Variants in ZBTB20 observed in about 807,000 individuals in gnomAD.
ZBTB20 encodes the protein zinc finger and BTB domain containing 20, also known as zinc finger and BTB domain-containing protein 20.
A neutral mutation model predicts 56.9 loss-of-function variants in ZBTB20; 9 were observed. That is an observed-to-expected ratio of 0.16 (90% CI 0.10 to 0.28). The LOEUF is 0.28. Ranked by LOEUF, ZBTB20 falls within the 10% of genes least tolerant of loss-of-function variation. The probability of loss-of-function intolerance (pLI) is 1.00; values close to 1 mark genes in which losing one functional copy is unlikely to be tolerated. For missense variants in ZBTB20, 655 were observed against 1,003.0 expected, an observed-to-expected ratio of 0.65 and a Z score of 4.69; for synonymous variants, 417 against 420.7, an observed-to-expected ratio of 0.99 and a Z score of 0.11.
At chr3:115,137,728 ATCACATCC>A (rs2084690638) in intron 1 of ZBTB20, among the ~76,000 whole-genome samples, 1 of 152,134 alleles carries the variant, frequency 6.6e-6, no homozygotes, top group Non-Finnish European at 1.5e-5. Context: ...CCTCATATCC[ATCACATCC>A]TCAAGAAAGT....
chr3:115,052,904 ATTCT>A (rs1159450810), intron 2 of ZBTB20, among the ~76,000 whole-genome samples: 6 of 152,222 alleles, frequency 3.9e-5, no homozygotes, highest in Non-Finnish European at 7.3e-5. Flanking sequence ...AATAATTTTC[ATTCT>A]TTAATTGAAT....
chr3:114,725,744 T>C (rs1002175298), intron 5 of ZBTB20, among the ~76,000 whole-genome samples: 6 of 152,320 alleles, frequency 3.9e-5, no homozygotes, highest in Non-Finnish European at 5.9e-5. Flanking sequence ...GTGTAACAAA[T>C]AACAGGAGAA....
chr3:114,860,319 A>G (rs2075466050), intron 4 of ZBTB20, among the ~76,000 whole-genome samples: 2 of 145,216 alleles, frequency 1.4e-5, no homozygotes, highest in South Asian at 4.4e-4. Flanking sequence ...AAAAAAAAAA[A>G]TTCTGAAATT....
intron 1 of ZBTB20, among the ~76,000 whole-genome samples, chr3:115,136,531 A>G (rs764481437): frequency 1.1e-4 from 17 of 152,078 alleles, no homozygotes; most frequent in Admixed American, 5.2e-4. Flanking sequence ...AATTTAAGTT[A>G]TAAGTTAAAC....
rs150235427 is a variant in ZBTB20, at chr3:115,132,776, C to CAA, written c.-703+14441_-703+14442dup. ...TGAGATCCTGTCTCAAAATAAAAGA[C>CAA]AAAAAAAAACCCCCAAAATTTAGAA... On this transcript the variant is annotated intron_variant, in intron 1 of 11. Coordinates refer to ENST00000675478, the MANE Select transcript of ZBTB20 (RefSeq NM_001348800.3). Among the ~76,000 whole-genome samples, 941 of 150,598 alleles carry CAA rather than the reference C, an allele frequency of 6.2e-3. 5 individuals carry two copies. Among genetic ancestry groups the CAA allele is most frequent in the Non-Finnish European group, 0.011 (737 of 67,468 alleles).
intron 6 of ZBTB20, among the ~76,000 whole-genome samples, chr3:114,585,272 C>T (rs2055062870): frequency 6.6e-6 from 1 of 152,098 alleles, no homozygotes; most frequent in African/African-American, 2.4e-5. Context: ...ATGGAGATAA[C>T]AGTGCTCTTG....
intron 6 of ZBTB20, among the ~76,000 whole-genome samples, chr3:114,653,064 A>G (rs1341036502): frequency 6.6e-6 from 1 of 151,942 alleles, no homozygotes; most frequent in Non-Finnish European, 1.5e-5. Context: ...AATGTAAACA[A>G]TCATGGTATT....
intron 2 of ZBTB20, among the ~76,000 whole-genome samples, chr3:115,048,772 T>C (rs1431419240): frequency 6.6e-6 from 1 of 152,186 alleles, no homozygotes; most frequent in East Asian, 1.9e-4. Flanking sequence ...TATTTTTAAA[T>C]TGTTATTTAC....
intron 6 of ZBTB20, among the ~76,000 whole-genome samples, chr3:114,576,599 G>T (rs6780793): frequency 7.1e-6 from 1 of 140,452 alleles, no homozygotes; most frequent in African/African-American, 2.7e-5. Context: ...TGAGTGATAA[G>T]AGGAGACAGA....
Position 114,321,126 on chromosome 3 carries a change from T to C in ZBTB20, c.*17879A>G, listed in dbSNP as rs1440099894. ...GGGGAGCTGCTACTGGTATTTATAT[T>C]TAATTTGGAGGAATTTCCAGCCCAC... On this transcript the variant is annotated 3_prime_UTR_variant, in exon 12 of 12. Coordinates refer to ENST00000675478, the MANE Select transcript of ZBTB20 (RefSeq NM_001348800.3). 1 of 152,218 alleles carries C rather than the reference T, an allele frequency of 6.6e-6. No homozygotes were observed. The highest frequency in any genetic ancestry group is 2.4e-5 in the African/African-American group (1 of 41,454). 9.4% of individuals were successfully genotyped at this position (152,218 alleles called of 1,614,324 possible).
In ZBTB20 at chr3:114,315,269, TC is replaced by T. The variant is rs2078635260; in HGVS notation, c.*23735del. ...AACACTGCAGTCATTCAGCCCAGGT[TC>T]CTCTTAGGAAATTAACCTTTCAATT... On this transcript the variant is annotated 3_prime_UTR_variant, in exon 12 of 12. Transcript: ENST00000675478. 1 of 152,174 alleles carries T rather than the reference TC, an allele frequency of 6.6e-6. No individual in the cohort carries two copies. 9.4% of individuals were successfully genotyped at this position (152,174 alleles called of 1,614,324 possible).
chr3:114,840,210 A>G (rs948234272), intron 4 of ZBTB20, among the ~76,000 whole-genome samples: 2 of 147,408 alleles, frequency 1.4e-5, no homozygotes, highest in African/African-American at 2.5e-5. Context: ...TTTCCCTTGC[A>G]GGGTCGCTGT....
At chr3:114,735,439 C>G (rs2066078481) in intron 5 of ZBTB20, among the ~76,000 whole-genome samples, 1 of 152,056 alleles carries the variant, frequency 6.6e-6, no homozygotes. Context: ...CCACTGTATA[C>G]AGCAGATGCA....
intron 6 of ZBTB20, among the ~76,000 whole-genome samples, chr3:114,676,195 T>A: frequency 6.6e-6 from 1 of 152,208 alleles, no homozygotes; most frequent in East Asian, 1.9e-4. Flanking sequence ...ATTCATTTGA[T>A]CTTCTCAACA....
intron 4 of ZBTB20, among the ~76,000 whole-genome samples, chr3:114,893,155 G>T (rs1388088885): frequency 1.3e-5 from 2 of 152,122 alleles, no homozygotes; most frequent in Non-Finnish European, 1.5e-5. Flanking sequence ...GTCCTCATTA[G>T]TTCCCATCTG....
At position 114,466,013 on chromosome 3, in the gene ZBTB20, C is replaced by CAT. The variant is rs141804127; in HGVS notation, c.-255+34337_-255+34338dup. On this transcript the variant is annotated intron_variant, in intron 7 of 11. Transcript: ENST00000675478. ...TTGTGTGTGTGCATTATGTTTTAAG[C>CAT]ATATATATATATATGCAGGAAACTC... Among the ~76,000 whole-genome samples, 561 of 149,776 alleles carry CAT rather than the reference C, an allele frequency of 3.7e-3. 3 individuals are homozygous for CAT. The highest frequency in any genetic ancestry group is 0.012 in the African/African-American group (504 of 40,936).
At chr3:115,091,717 C>CATATAT (rs139201422) in intron 1 of ZBTB20, among the ~76,000 whole-genome samples, 189 of 145,784 alleles carry the variant, frequency 1.3e-3, no homozygotes, top group Middle Eastern at 7.2e-3. Context: ...ATAATACATA[C>CATATAT]ATATATATAT....
chr3:114,345,285 G>C (rs1319811788), intron 11 of ZBTB20, among the ~76,000 whole-genome samples: 1 of 152,174 alleles, frequency 6.6e-6, no homozygotes, highest in Non-Finnish European at 1.5e-5. Flanking sequence ...ATGTCTCTGT[G>C]TGTGTGTGTT....
chr3:114,555,483 G>C (rs970041179), intron 6 of ZBTB20, among the ~76,000 whole-genome samples: 31 of 152,114 alleles, frequency 2.0e-4, no homozygotes, highest in African/African-American at 7.5e-4. Context: ...TTCCCCCATA[G>C]AAACGATGAT....
Sources: gnomAD v4.1 joint callset for allele counts (sites outside exome capture counted in the v4.1 genomes callset) on GRCh38, gnomAD v4.1.1 for gene constraint, MANE v1.5 for transcripts, NCBI Gene and HGNC (gene_info 2026-07-23, HGNC 2026-07-21) for gene names.